The following FBXL17 variants were observed in gnomAD, a reference collection of about 807,000 sequenced individuals.
FBXL17 encodes F-box/LRR-repeat protein 17.
A neutral mutation model predicts 66.2 loss-of-function variants in FBXL17; 22 were observed. The observed-to-expected ratio is 0.33, with a 90% CI of 0.24 to 0.47. FBXL17 has a LOEUF of 0.47. Ranked by LOEUF, FBXL17 falls within the 20% of genes least tolerant of loss-of-function variation. FBXL17 has a pLI of 1.00. For synonymous variants in FBXL17, 474 were observed against 400.5 expected (o/e 1.18, Z -2.19); for missense variants, 878 against 948.2 (o/e 0.93, Z 0.97).
At chr5:108,155,112 A>G (rs1159108445) in intron 6 of FBXL17, among the ~76,000 whole-genome samples, 1 of 152,224 alleles carries the variant, frequency 6.6e-6, no homozygotes, top group Non-Finnish European at 1.5e-5. Flanking sequence ...CAAATACAAT[A>G]TATATACACA....
chr5:108,152,972 C>T (rs1024978262), intron 6 of FBXL17, among the ~76,000 whole-genome samples: 1 of 152,142 alleles, frequency 6.6e-6, no homozygotes, highest in Non-Finnish European at 1.5e-5. Context: ...GAGGGCAAGT[C>T]TTTCCCATGC....
intron 7 of FBXL17, among the ~76,000 whole-genome samples, chr5:107,961,133 G>GA (rs1392416695): frequency 6.6e-6 from 1 of 152,164 alleles, no homozygotes; most frequent in Non-Finnish European, 1.5e-5. Context: ...ACACATGCAA[G>GA]AAGCACAGAC....
intron 6 of FBXL17, among the ~76,000 whole-genome samples, chr5:108,177,478 C>T (rs370489666): frequency 3.3e-5 from 5 of 152,210 alleles, no homozygotes; most frequent in South Asian, 2.1e-4. Flanking sequence ...TGTCTGAGGT[C>T]GGATGACCAT....
intron 7 of FBXL17, among the ~76,000 whole-genome samples, chr5:107,972,832 A>T (rs1752422944): frequency 6.6e-6 from 1 of 152,146 alleles, no homozygotes; most frequent in Non-Finnish European, 1.5e-5. Context: ...AAATGTGGAA[A>T]CTCGAAGTTG....
At chr5:108,173,651 C>T (rs1395301265) in intron 6 of FBXL17, among the ~76,000 whole-genome samples, 1 of 152,098 alleles carries the variant, frequency 6.6e-6, no homozygotes, top group East Asian at 1.9e-4. Context: ...GGATATGTCA[C>T]TAAACATACC....
At chr5:108,372,163 C>T (rs1749083450) in intron 1 of FBXL17, among the ~76,000 whole-genome samples, 1 of 152,184 alleles carries the variant, frequency 6.6e-6, no homozygotes, top group Admixed American at 6.5e-5. Context: ...TTCTTATAAT[C>T]ATATCTCTTT....
At chr5:108,360,523 C>T (rs1424568534) in intron 3 of FBXL17, among the ~76,000 whole-genome samples, 1 of 152,008 alleles carries the variant, frequency 6.6e-6, no homozygotes, top group Non-Finnish European at 1.5e-5. Context: ...AAGATTCTGT[C>T]TTTGACTTCT....
In FBXL17 at chr5:107,983,973, G is replaced by GA. The variant is rs201655380; in HGVS notation, c.1822+36951dup. Among the ~76,000 whole-genome samples, 697 of 150,526 alleles carry GA rather than the reference G, an allele frequency of 4.6e-3. 3 individuals are homozygous for GA. Among genetic ancestry groups the GA allele is most frequent in the African/African-American group, 0.016 (667 of 41,036 alleles). The stretch of plus-strand genomic sequence containing the variant: ...AATAATTGACGCCCAGAAAACAAAA[G>GA]AAAAAAAAAGAAAATGGGGTCGCCA... On this transcript the variant is annotated intron_variant, in intron 7 of 8. Transcript: ENST00000542267.
chr5:108,179,344 GGTGCT>G (rs1752912796), intron 6 of FBXL17, among the ~76,000 whole-genome samples: 1 of 152,030 alleles, frequency 6.6e-6, no homozygotes, highest in African/African-American at 2.4e-5. Flanking sequence ...CATGAGCCAA[GGTGCT>G]GTCAGTCTCA....
At chr5:108,017,061 GA>G (rs1754417914) in intron 7 of FBXL17, among the ~76,000 whole-genome samples, 2 of 152,128 alleles carry the variant, frequency 1.3e-5, no homozygotes, top group Non-Finnish European at 2.9e-5. Context: ...TTACAGGGAT[GA>G]GCCACTATGC....
chr5:108,198,523 C>G (rs532499242), intron 5 of FBXL17, among the ~76,000 whole-genome samples: 112 of 152,224 alleles, frequency 7.4e-4, no homozygotes, highest in African/African-American at 2.6e-3. Context: ...TCCCAGTCAC[C>G]TGTCATGGAT....
intron 6 of FBXL17, among the ~76,000 whole-genome samples, chr5:108,178,291 A>ACCTTTCAAACAAAGG (rs1752873632): frequency 6.6e-6 from 1 of 151,794 alleles, no homozygotes; most frequent in Non-Finnish European, 1.5e-5. Flanking sequence ...CAAGTAGTCC[A>ACCTTTCAAACAAAGG]CCCTCCTTGG....
chr5:107,900,207 T>C (rs569206972), intron 7 of FBXL17, among the ~76,000 whole-genome samples: 7 of 152,312 alleles, frequency 4.6e-5, no homozygotes, highest in Non-Finnish European at 8.8e-5. Flanking sequence ...TCAGTTGGTC[T>C]TTTAGTAAGG....
intron 7 of FBXL17, among the ~76,000 whole-genome samples, chr5:107,920,430 TA>T (rs774883385): frequency 5.9e-5 from 9 of 152,128 alleles, no homozygotes; most frequent in Non-Finnish European, 1.3e-4. Context: ...TGAATCTTAG[TA>T]TAGGAATTCC....
At chr5:108,357,518 T>C (rs1037989774) in intron 3 of FBXL17, among the ~76,000 whole-genome samples, 4 of 152,066 alleles carry the variant, frequency 2.6e-5, no homozygotes, top group South Asian at 2.1e-4. Context: ...CTTCATCCAG[T>C]AGTAGAATAC....
intron 7 of FBXL17, among the ~76,000 whole-genome samples, chr5:107,987,218 AT>A (rs909955159): frequency 5.3e-5 from 8 of 151,168 alleles, no homozygotes; most frequent in Admixed American, 3.3e-4. Context: ...GCATTAAAAT[AT>A]TTTCTAATTG....
chr5:108,214,672 AT>A (rs1405365205), intron 5 of FBXL17, among the ~76,000 whole-genome samples: 1 of 152,012 alleles, frequency 6.6e-6, no homozygotes, highest in Non-Finnish European at 1.5e-5. Context: ...ACCTGGCCCG[AT>A]TTATTAATTT....
intron 8 of FBXL17, chr5:107,879,400 G>A: frequency 6.1e-6 from 6 of 985,408 alleles, no homozygotes; most frequent in Non-Finnish European, 7.2e-6. Flanking sequence ...AAGTGGCAGG[G>A]TTAGCAGCGG....
chr5:108,235,746 T>C (rs113229729), intron 4 of FBXL17, among the ~76,000 whole-genome samples: 2 of 152,218 alleles, frequency 1.3e-5, no homozygotes, highest in Non-Finnish European at 2.9e-5. Flanking sequence ...TGTGATGATC[T>C]TTCCATTTAT....
Sources: allele counts gnomAD v4.1 joint callset (sites outside exome capture counted in the v4.1 genomes callset), GRCh38; gene constraint gnomAD v4.1.1; transcripts MANE v1.5; gene names NCBI Gene and HGNC (gene_info 2026-07-23, HGNC 2026-07-21).